The following PPP6R3 variants were observed in gnomAD, a reference collection of about 807,000 sequenced individuals.
PPP6R3 encodes the protein serine/threonine-protein phosphatase 6 regulatory subunit 3.
A neutral mutation model predicts 110.7 loss-of-function variants in PPP6R3; 38 were observed. The ratio of observed to expected loss-of-function variants is 0.34; its 90% CI spans 0.26 to 0.45. PPP6R3 has a LOEUF of 0.45. Ranked by LOEUF, PPP6R3 falls within the 20% of genes least tolerant of loss-of-function variation. The pLI is 1.00. For synonymous variants in PPP6R3, 369 were observed against 373.5 expected, an observed-to-expected ratio of 0.99 and a Z score of 0.14; for missense variants, 870 against 1,062.4, an observed-to-expected ratio of 0.82 and a Z score of 2.52.
At chr11:68,516,440 T>C (rs532762870) in intron 1 of PPP6R3, among the ~76,000 whole-genome samples, 1 of 152,360 alleles carries the variant, frequency 6.6e-6, no homozygotes, top group Non-Finnish European at 1.5e-5. Context: ...AACTGAATTA[T>C]ATGTTTAGAT....
intron 2 of PPP6R3, among the ~76,000 whole-genome samples, chr11:68,522,013 C>T (rs1458135163): frequency 3.3e-5 from 5 of 152,164 alleles, no homozygotes; most frequent in African/African-American, 1.2e-4. Flanking sequence ...GGTAGGTACT[C>T]CCACATTCTC....
intron 1 of PPP6R3, among the ~76,000 whole-genome samples, chr11:68,517,711 A>G (rs1173682965): frequency 6.6e-6 from 1 of 152,102 alleles, no homozygotes; most frequent in Non-Finnish European, 1.5e-5. Context: ...GCCAAGGCGG[A>G]CGGATCACTT....
At chr11:68,528,394 C>T (rs2153606516) in intron 2 of PPP6R3, among the ~76,000 whole-genome samples, 1 of 142,816 alleles carries the variant, frequency 7.0e-6, no homozygotes, top group East Asian at 2.1e-4. Flanking sequence ...AATATATTGA[C>T]TCTAGTAGGC....
chr11:68,584,707 G>A (rs911244977), intron 15 of PPP6R3, among the ~76,000 whole-genome samples: 2 of 152,128 alleles, frequency 1.3e-5, no homozygotes, highest in Admixed American at 6.5e-5. Context: ...GACAGCTCAC[G>A]TGCGTACGAA....
At chr11:68,478,647 G>GTTGTTTTTT (rs2098860140) in intron 1 of PPP6R3, among the ~76,000 whole-genome samples, 3 of 50,506 alleles carry the variant, frequency 5.9e-5, no homozygotes, top group Admixed American at 3.7e-4. Context: ...CACTTGGTAA[G>GTTGTTTTTT]TTTTTTTTTT....
chr11:68,553,484 G>T (rs1363056436), intron 6 of PPP6R3, among the ~76,000 whole-genome samples: 1 of 151,756 alleles, frequency 6.6e-6, no homozygotes, highest in African/African-American at 2.4e-5. Context: ...GTAGAGATGG[G>T]GTTTCTCCAT....
Position 68,486,158 on chromosome 11 carries a change from TTA to T in PPP6R3, c.-158+25333_-158+25334del, listed in dbSNP as rs576464814. ...TATATATAATGCTTTTTATGTATAA[TTA>T]TTTTTATGTATTGATTCAGTTTTCC... On this transcript the variant is annotated intron_variant, in intron 1 of 23. Transcript: ENST00000393800. 2.0e-4 allele frequency among the ~76,000 whole-genome samples: 31 copies of T among 152,234 alleles called. No individual in the cohort carries two copies. In the East Asian group the frequency reaches 6.0e-3, roughly 29 times the overall value.
chr11:68,500,732 A>C (rs1244848223), intron 1 of PPP6R3, among the ~76,000 whole-genome samples: 1 of 152,110 alleles, frequency 6.6e-6, no homozygotes, highest in Non-Finnish European at 1.5e-5. Context: ...TGCCTTGGCC[A>C]CCCAAAGTGC....
At chr11:68,494,865 T>G (rs1250035405) in intron 1 of PPP6R3, among the ~76,000 whole-genome samples, 1 of 152,156 alleles carries the variant, frequency 6.6e-6, no homozygotes, top group Non-Finnish European at 1.5e-5. Context: ...TAAAAACAAA[T>G]TTTATGTTTG....
At chr11:68,564,473 T>C in intron 9 of PPP6R3, 41 bp downstream of exon 9, 1 of 1,609,326 alleles carries the variant, frequency 6.2e-7, no homozygotes, top group South Asian at 1.1e-5. Context: ...AGCGAGTAAT[T>C]TGGTTGAAAC....
chr11:68,582,525 AC>A (rs1358807222), intron 14 of PPP6R3, among the ~76,000 whole-genome samples: 1 of 152,250 alleles, frequency 6.6e-6, no homozygotes, highest in Non-Finnish European at 1.5e-5. Flanking sequence ...GACTCAAGTC[AC>A]ATTTAGTACT....
intron 22 of PPP6R3, among the ~76,000 whole-genome samples, chr11:68,604,332 C>A (rs535928599): frequency 6.6e-6 from 1 of 152,168 alleles, no homozygotes; most frequent in Non-Finnish European, 1.5e-5. Context: ...AATTCCCAGA[C>A]AAAAGGAGAA....
intron 19 of PPP6R3, 59 bp from the exon 20 acceptor site, chr11:68,600,282 C>A (rs2099627793): frequency 1.3e-6 from 2 of 1,535,646 alleles, no homozygotes; most frequent in African/African-American, 1.4e-5. Flanking sequence ...TGATAAATAC[C>A]TTGTGGTACA....
chr11:68,561,708 T>A (rs1479704331), intron 8 of PPP6R3, among the ~76,000 whole-genome samples: 1 of 152,208 alleles, frequency 6.6e-6, no homozygotes, highest in East Asian at 1.9e-4. Context: ...TGATAAAACA[T>A]CTCAGCAGAT....
At chr11:68,593,314 A>G (rs58302177) in intron 18 of PPP6R3, among the ~76,000 whole-genome samples, 2,869 of 152,282 alleles carry the variant, frequency 0.019, 92 homozygotes, top group African/African-American at 0.065. Flanking sequence ...CAGCATAATT[A>G]ATGTGAGAGC....
At chr11:68,552,292 G>A (rs2099384385) in intron 6 of PPP6R3, among the ~76,000 whole-genome samples, 1 of 152,204 alleles carries the variant, frequency 6.6e-6, no homozygotes, top group Non-Finnish European at 1.5e-5. Context: ...GGGAGAGCGA[G>A]CACAGCAGAG....
At chr11:68,475,186 A>T (rs1202073682) in intron 1 of PPP6R3, among the ~76,000 whole-genome samples, 1 of 152,136 alleles carries the variant, frequency 6.6e-6, no homozygotes, top group Non-Finnish European at 1.5e-5. Flanking sequence ...AATCCATTTA[A>T]CCCTGAGTGG....
intron 1 of PPP6R3, among the ~76,000 whole-genome samples, chr11:68,481,088 G>A (rs891693379): frequency 1.3e-5 from 2 of 152,210 alleles, no homozygotes; most frequent in Admixed American, 6.5e-5. Context: ...GGAAGGAAGA[G>A]AGTAGAGTTT....
intron 14 of PPP6R3, 129 bp downstream of exon 14, chr11:68,576,172 A>C: frequency 1.5e-6 from 1 of 657,522 alleles, no homozygotes; most frequent in Non-Finnish European, 2.5e-6. Context: ...TTATCTCTTT[A>C]CCAGGGAGAG....
Sources: allele counts gnomAD v4.1 joint callset (sites outside exome capture counted in the v4.1 genomes callset), GRCh38; gene constraint gnomAD v4.1.1; transcripts MANE v1.5; gene names NCBI Gene and HGNC (gene_info 2026-07-23, HGNC 2026-07-21).